Variants in CNTN5 observed in about 807,000 individuals in gnomAD.
The protein encoded by CNTN5 is contactin-5.
In CNTN5, 77 loss-of-function variants were observed where a neutral mutation model predicts 129.1. That is an observed-to-expected ratio of 0.60 (90% CI 0.50 to 0.72). The LOEUF is 0.72. Ranked by LOEUF, CNTN5 falls within the 30% of genes least tolerant of loss-of-function variation. The probability of loss-of-function intolerance (pLI) is 0.00; values close to 1 mark genes in which losing one functional copy is unlikely to be tolerated. For missense variants in CNTN5, 1,478 were observed against 1,328.8 expected, an observed-to-expected ratio of 1.11 and a Z score of -1.75; for synonymous variants, 509 against 465.6, an observed-to-expected ratio of 1.09 and a Z score of -1.20.
chr11:99,619,913 C>A (rs1179147995), intron 3 of CNTN5, among the ~76,000 whole-genome samples: 1 of 151,092 alleles, frequency 6.6e-6, no homozygotes, highest in Non-Finnish European at 1.5e-5. Flanking sequence ...GTAGTCCCAG[C>A]TACTCGGAAG....
At chr11:99,169,316 A>G (rs191514216) in intron 1 of CNTN5, among the ~76,000 whole-genome samples, 6 of 152,160 alleles carry the variant, frequency 3.9e-5, no homozygotes, top group African/African-American at 1.4e-4. Flanking sequence ...GTGCTATTTT[A>G]TAGTCATGAC....
chr11:100,112,819 T>C (rs562095166), intron 13 of CNTN5, among the ~76,000 whole-genome samples: 2 of 152,234 alleles, frequency 1.3e-5, no homozygotes, highest in South Asian at 4.1e-4. Context: ...AATGATATAA[T>C]TGAAGAGGGA....
chr11:99,989,452 C>G (rs535504959), intron 8 of CNTN5, among the ~76,000 whole-genome samples: 1 of 152,004 alleles, frequency 6.6e-6, no homozygotes, highest in East Asian at 1.9e-4. Flanking sequence ...AATCAAAGTA[C>G]CAACTTTTTT....
intron 2 of CNTN5, among the ~76,000 whole-genome samples, chr11:99,349,930 T>G (rs1938170662): frequency 6.6e-6 from 1 of 152,226 alleles, no homozygotes; most frequent in Admixed American, 6.5e-5. Context: ...CATTTTCTTT[T>G]CATTTTAGAC....
chr11:99,075,268 C>A (rs1332980289), intron 1 of CNTN5, among the ~76,000 whole-genome samples: 1 of 151,944 alleles, frequency 6.6e-6, no homozygotes, highest in Non-Finnish European at 1.5e-5. Context: ...ATTTATTTTT[C>A]TGATGTATGG....
Position 99,355,771 on chromosome 11 carries a change from C to T in CNTN5, c.-71+30287C>T, listed in dbSNP as rs546868716. 5.9e-3 allele frequency among the ~76,000 whole-genome samples: 882 copies of T among 150,520 alleles called. 12 individuals are homozygous for T. The highest frequency in any genetic ancestry group is 0.019 in the African/African-American group (798 of 40,952). ...AGACAGCCTATAATATCGGCCTTAA[C>T]TAGTTTATTGTCCTCATGGTCACAA... On this transcript the variant is annotated intron_variant, in intron 2 of 24. Transcript: ENST00000524871.
intron 13 of CNTN5, among the ~76,000 whole-genome samples, chr11:100,154,530 A>C (rs1198150365): frequency 6.6e-6 from 1 of 152,182 alleles, no homozygotes; most frequent in Non-Finnish European, 1.5e-5. Flanking sequence ...TGCTTTGGGT[A>C]TATAAGCAGT....
intron 7 of CNTN5, among the ~76,000 whole-genome samples, chr11:99,944,444 A>G (rs980706435): frequency 6.6e-6 from 1 of 152,092 alleles, no homozygotes; most frequent in Non-Finnish European, 1.5e-5. Context: ...TCTCCTTGAA[A>G]ACCAGCACAG....
intron 3 of CNTN5, among the ~76,000 whole-genome samples, chr11:99,576,331 G>A (rs1199492739): frequency 6.6e-6 from 1 of 152,166 alleles, no homozygotes; most frequent in South Asian, 2.1e-4. Context: ...CTATGGCAGA[G>A]AAAGGGAAAT....
intron 21 of CNTN5, among the ~76,000 whole-genome samples, chr11:100,316,582 G>A (rs1417844461): frequency 6.6e-6 from 1 of 152,080 alleles, no homozygotes; most frequent in Admixed American, 6.5e-5. Context: ...CTTCTGTCCT[G>A]AAATTTTCCT....
At chr11:99,553,285 G>A (rs763794508) in intron 2 of CNTN5, among the ~76,000 whole-genome samples, 2 of 151,858 alleles carry the variant, frequency 1.3e-5, no homozygotes, top group Non-Finnish European at 2.9e-5. Context: ...AATGTAAACT[G>A]GTACATTAAA....
chr11:99,425,172 G>A (rs1393054303), intron 2 of CNTN5, among the ~76,000 whole-genome samples: 1 of 152,144 alleles, frequency 6.6e-6, no homozygotes, highest in East Asian at 1.9e-4. Flanking sequence ...AAAATTGTGT[G>A]CTGATTGGTC....
At chr11:99,407,809 G>A (rs547178371) in intron 2 of CNTN5, among the ~76,000 whole-genome samples, 1 of 152,216 alleles carries the variant, frequency 6.6e-6, no homozygotes, top group East Asian at 1.9e-4. Context: ...AGGCATCAGG[G>A]GAGTTTGGTC....
intron 23 of CNTN5, among the ~76,000 whole-genome samples, chr11:100,346,046 T>C (rs1359413568): frequency 6.6e-6 from 1 of 152,208 alleles, no homozygotes; most frequent in Non-Finnish European, 1.5e-5. Flanking sequence ...CTTTATTTTG[T>C]TGTATTTACA....
At chr11:99,463,443 G>A (rs200256004) in intron 2 of CNTN5, among the ~76,000 whole-genome samples, 1,888 of 126,628 alleles carry the variant, frequency 0.015, 27 homozygotes, top group African/African-American at 0.035. Flanking sequence ...GTCTCAAAAA[G>A]AAAAAAAAAA....
chr11:99,254,066 G>T (rs1452119925), intron 1 of CNTN5, among the ~76,000 whole-genome samples: 1 of 151,608 alleles, frequency 6.6e-6, no homozygotes, highest in Non-Finnish European at 1.5e-5. Context: ...TTAAAAGATT[G>T]CAGTAACACA....
chr11:100,093,912 A>T (rs902841059), intron 13 of CNTN5, among the ~76,000 whole-genome samples: 1 of 152,126 alleles, frequency 6.6e-6, no homozygotes, highest in Non-Finnish European at 1.5e-5. Context: ...GTCAGGATTA[A>T]CATTTCCCTT....
At chr11:99,339,943 T>C (rs1338720944) in intron 2 of CNTN5, among the ~76,000 whole-genome samples, 1 of 152,142 alleles carries the variant, frequency 6.6e-6, no homozygotes, top group Non-Finnish European at 1.5e-5. Flanking sequence ...TGAGATATTG[T>C]GTGGACTTTG....
chr11:99,399,138 T>C (rs1370260986), intron 2 of CNTN5, among the ~76,000 whole-genome samples: 2 of 137,530 alleles, frequency 1.5e-5, no homozygotes, highest in Non-Finnish European at 3.1e-5. Flanking sequence ...ATTATGGGGC[T>C]ACATAAGCAT....
Sources: gnomAD v4.1 joint callset for allele counts (sites outside exome capture counted in the v4.1 genomes callset) on GRCh38, gnomAD v4.1.1 for gene constraint, MANE v1.5 for transcripts, NCBI Gene and HGNC (gene_info 2026-07-23, HGNC 2026-07-21) for gene names.